Variants in KIRREL3 observed in about 807,000 individuals in gnomAD.
KIRREL3 encodes kirre like nephrin family adhesion molecule 3, also known as kin of IRRE-like protein 3.
Under a neutral mutation model 89.7 loss-of-function variants are expected in KIRREL3, and 36 were observed. The ratio of observed to expected loss-of-function variants is 0.40; its 90% CI spans 0.31 to 0.53. The LOEUF is 0.53. Ranked by LOEUF, KIRREL3 falls within the 20% of genes least tolerant of loss-of-function variation. The pLI, the probability that KIRREL3 is intolerant of heterozygous loss-of-function variation, is 0.49. For missense variants in KIRREL3, 864 were observed against 1,056.6 expected (o/e 0.82, Z 2.53); for synonymous variants, 445 against 441.4 (o/e 1.01, Z -0.10).
intron 1 of KIRREL3, among the ~76,000 whole-genome samples, chr11:126,966,582 A>G (rs1949279230): frequency 6.6e-6 from 1 of 152,156 alleles, no homozygotes; most frequent in Admixed American, 6.5e-5. Context: ...GGTGTGCCTG[A>G]CGTGTTAGTT....
chr11:126,800,474 G>A (rs561810078), intron 1 of KIRREL3, among the ~76,000 whole-genome samples: 2 of 152,288 alleles, frequency 1.3e-5, no homozygotes, highest in South Asian at 2.1e-4. Context: ...CAGAAGGCAG[G>A]TAGGGAGGTC....
intron 1 of KIRREL3, among the ~76,000 whole-genome samples, chr11:126,857,155 A>T (rs2134594468): frequency 6.6e-6 from 1 of 152,294 alleles, no homozygotes; most frequent in African/African-American, 2.4e-5. Context: ...CATGAAGCCC[A>T]GTGGGGTGAG....
At chr11:126,928,276 G>A (rs148863087) in intron 1 of KIRREL3, among the ~76,000 whole-genome samples, 30 of 152,366 alleles carry the variant, frequency 2.0e-4, no homozygotes, top group African/African-American at 7.2e-4. Context: ...ATATCTGGAT[G>A]TGCACCCAGT....
chr11:126,589,046 C>T (rs1309228160), intron 1 of KIRREL3, among the ~76,000 whole-genome samples: 3 of 152,152 alleles, frequency 2.0e-5, no homozygotes, highest in East Asian at 3.9e-4. Context: ...CCAGGGCACC[C>T]GCACACTAGC....
chr11:126,494,888 G>C (rs1440392383), intron 4 of KIRREL3, among the ~76,000 whole-genome samples: 1 of 152,248 alleles, frequency 6.6e-6, no homozygotes, highest in Non-Finnish European at 1.5e-5. Flanking sequence ...GACCCCTGTG[G>C]GATGACACTC....
intron 1 of KIRREL3, among the ~76,000 whole-genome samples, chr11:126,793,759 G>T (rs547863556): frequency 1.3e-5 from 2 of 152,232 alleles, no homozygotes; most frequent in Admixed American, 1.3e-4. Context: ...GGAGTGGACC[G>T]GAAGCGTGCT....
rs1951411206 is a variant in KIRREL3 at position 126,812,148 on chromosome 11, C to G, written c.55+188307G>C. Among the ~76,000 whole-genome samples, 1 of 152,134 alleles carries G rather than the reference C, an allele frequency of 6.6e-6. No homozygotes were observed. Among genetic ancestry groups the G allele is most frequent in the South Asian group, 2.1e-4 (1 of 4,818 alleles). The stretch of plus-strand genomic sequence containing the variant: ...CATTAAGGAAACTGCTTGCCATTTG[C>G]TACTATTTAACCCATTCTTTCTATT... On this transcript the variant is annotated intron_variant, in intron 1 of 16. Transcript: ENST00000525144. This position sits in a 1 kb window ranked among gnomAD's most constrained non-coding sequence, Gnocchi z 5.2.
Position 126,860,674 on chromosome 11 carries a change from G to A in KIRREL3, c.55+139781C>T, listed in dbSNP as rs576209414. On this transcript the variant is annotated intron_variant, in intron 1 of 16. Transcript: ENST00000525144. This position sits in a 1 kb window ranked among gnomAD's most constrained non-coding sequence, Gnocchi z 4.6. ...GGTTTCTAGACAGAAGAATGGCTTG[G>A]GGGGCTGTGTGTTTGAGAGACTTCT... Among the ~76,000 whole-genome samples, 1 of 152,300 alleles carries A rather than the reference G, an allele frequency of 6.6e-6. No homozygotes were observed. Among genetic ancestry groups the A allele is most frequent in the African/African-American group, 2.4e-5 (1 of 41,554 alleles).
rs771473691 is a variant in KIRREL3, at chr11:126,519,867, C to T, written c.433+1448G>A. Among the ~76,000 whole-genome samples the T allele has an allele frequency of 1.4e-4, 22 of 152,162 alleles. No individual in the cohort carries two copies. Among genetic ancestry groups the T allele is most frequent in the Non-Finnish European group, 2.9e-4 (20 of 68,022 alleles). ...GTCACCGTCTTGGGAGAAATGAGAA[C>T]GGCGCTGCTGCCTTTAATACCCCAA... On this transcript the variant is annotated intron_variant, in intron 4 of 16. Coordinates refer to ENST00000525144, the MANE Select transcript of KIRREL3 (RefSeq NM_032531.4). This position sits in a 1 kb window ranked among gnomAD's most constrained non-coding sequence, Gnocchi z 4.3.
At chr11:126,690,193 C>T (rs1946824939) in intron 1 of KIRREL3, among the ~76,000 whole-genome samples, 1 of 152,180 alleles carries the variant, frequency 6.6e-6, no homozygotes, top group Admixed American at 6.5e-5. Flanking sequence ...AGATCACTGG[C>T]AGTGAGTGTT....
At chr11:126,625,399 G>A (rs572823524) in intron 1 of KIRREL3, among the ~76,000 whole-genome samples, 6 of 152,268 alleles carry the variant, frequency 3.9e-5, no homozygotes, top group South Asian at 2.1e-4. Context: ...AGGGTTGGTC[G>A]TTGTAAGGAA....
rs1391569432 is a variant in KIRREL3 at position 126,724,937 on chromosome 11, G to A, written c.56-162025C>T. On this transcript the variant is annotated intron_variant, in intron 1 of 16. Coordinates refer to ENST00000525144, the MANE Select transcript of KIRREL3 (RefSeq NM_032531.4). This position sits in a 1 kb window ranked among gnomAD's most constrained non-coding sequence, Gnocchi z 4.3. ...GTACCTTGACTTTGTGTCAGGTAGTGTGCTAGGTGCAGGAGTAGATATTCT... is the reference window on the plus strand; with the variant it reads ...GTACCTTGACTTTGTGTCAGGTAGTATGCTAGGTGCAGGAGTAGATATTCT... Among the ~76,000 whole-genome samples the A allele has an allele frequency of 1.3e-5, 2 of 152,232 alleles. No homozygotes were observed. The highest frequency in any genetic ancestry group is 2.9e-5 in the Non-Finnish European group (2 of 68,036).
chr11:126,892,341 G>A lies in KIRREL3; in HGVS notation c.55+108114C>T, dbSNP rs1019429359. 6.6e-6 allele frequency among the ~76,000 whole-genome samples: 1 copy of A among 152,116 alleles called. No homozygotes were observed. The highest frequency in any genetic ancestry group is 2.4e-5 in the African/African-American group (1 of 41,418). The stretch of plus-strand genomic sequence containing the variant: ...GCCCTCCTCAGGACCCACCGTGGAA[G>A]CAGAACTCCCAACTGTCTTTCTCAC... On this transcript the variant is annotated intron_variant, in intron 1 of 16. Transcript: ENST00000525144. The surrounding 1 kb of genome is among the most constrained non-coding windows in gnomAD (Gnocchi z 5.4).
At chr11:126,451,342 A>ATGTGTGAGCGTGTGCC (rs1956134608) in intron 7 of KIRREL3, among the ~76,000 whole-genome samples, 1 of 103,392 alleles carries the variant, frequency 9.7e-6, no homozygotes, top group African/African-American at 4.0e-5. Context: ...GAGTGTGTGC[A>ATGTGTGAGCGTGTGCC]TGTGTGTGCG....
chr11:126,540,875 A>G (rs1938312626), intron 2 of KIRREL3, among the ~76,000 whole-genome samples: 1 of 152,290 alleles, frequency 6.6e-6, no homozygotes, highest in Admixed American at 6.5e-5. Context: ...GACCCTGGCT[A>G]AGCCCCCTTT....
chr11:126,458,036 C>A (rs1956430574), intron 6 of KIRREL3, among the ~76,000 whole-genome samples: 1 of 151,760 alleles, frequency 6.6e-6, no homozygotes, highest in African/African-American at 2.4e-5. Flanking sequence ...ACCCCCGGGG[C>A]ATCCACACGC....
intron 1 of KIRREL3, among the ~76,000 whole-genome samples, chr11:126,770,784 G>GA (rs1949995844): frequency 6.6e-6 from 1 of 152,126 alleles, no homozygotes; most frequent in African/African-American, 2.4e-5. Context: ...GAAGGGAACT[G>GA]AAAATCAGCA....
At chr11:126,916,765 G>T (rs1437453682) in intron 1 of KIRREL3, among the ~76,000 whole-genome samples, 1 of 152,184 alleles carries the variant, frequency 6.6e-6, no homozygotes, top group African/African-American at 2.4e-5. Context: ...AAGAGATTTT[G>T]GAGCTGGATA....
rs994527039 is a variant in KIRREL3 at position 126,931,850 on chromosome 11, G to T, written c.55+68605C>A. 6.6e-6 allele frequency among the ~76,000 whole-genome samples: 1 copy of T among 152,158 alleles called. No homozygotes were observed. Among genetic ancestry groups the T allele is most frequent in the Non-Finnish European group, 1.5e-5 (1 of 68,038 alleles). On this transcript the variant is annotated intron_variant, in intron 1 of 16. Transcript: ENST00000525144. The surrounding 1 kb of genome is among the most constrained non-coding windows in gnomAD (Gnocchi z 5.1). ...CAGCACCCAGGGAGCCCCAGGACAC[G>T]TGTTGCCTTCTCACCCCAATAGGAG...
Sources: allele counts gnomAD v4.1 joint callset (sites outside exome capture counted in the v4.1 genomes callset), GRCh38; gene constraint gnomAD v4.1.1; non-coding constraint Gnocchi (gnomAD v3.1); transcripts MANE v1.5; gene names NCBI Gene and HGNC (gene_info 2026-07-23, HGNC 2026-07-21).